ZNF292: variants seen among roughly 807,000 people sequenced by gnomAD.
The protein encoded by ZNF292 is 16 zinc-finger domain protein.
A neutral mutation model predicts 217.9 loss-of-function variants in ZNF292; 26 were observed. The ratio of observed to expected loss-of-function variants is 0.12; its 90% CI spans 0.09 to 0.17. The LOEUF (loss-of-function observed/expected upper bound fraction) is 0.17. Among genes scored for constraint, ZNF292 ranks in the 10% least tolerant of loss-of-function variants. ZNF292 has a pLI of 1.00. For missense variants in ZNF292, 2,904 were observed against 3,175.2 expected, an observed-to-expected ratio of 0.91 and a Z score of 2.05; for synonymous variants, 1,257 against 1,124.1, an observed-to-expected ratio of 1.12 and a Z score of -2.37.
chr6:87,170,749 C>A (rs1308285384), intron 1 of ZNF292, among the ~76,000 whole-genome samples: 3 of 152,022 alleles, frequency 2.0e-5, no homozygotes, highest in Non-Finnish European at 4.4e-5. Context: ...CTTGACAGCC[C>A]ATTAGATACT....
chr6:87,211,792 C>T (rs1772496566), intron 1 of ZNF292, among the ~76,000 whole-genome samples: 1 of 152,150 alleles, frequency 6.6e-6, no homozygotes, highest in South Asian at 2.1e-4. Context: ...TGGTGCATTG[C>T]AGGAAGACAT....
At chr6:87,201,757 G>A (rs906241985) in intron 1 of ZNF292, among the ~76,000 whole-genome samples, 1 of 152,106 alleles carries the variant, frequency 6.6e-6, no homozygotes, top group Non-Finnish European at 1.5e-5. Flanking sequence ...TGTCCATATA[G>A]GATATAGTTT....
chr6:87,209,341 TA>T (rs947344669), intron 1 of ZNF292, among the ~76,000 whole-genome samples: 4 of 152,104 alleles, frequency 2.6e-5, no homozygotes, highest in South Asian at 2.1e-4. Context: ...TATGCCACTT[TA>T]AAAAAAATTA....
chr6:87,241,953 A>C (rs1050835508), intron 5 of ZNF292, among the ~76,000 whole-genome samples: 5 of 152,224 alleles, frequency 3.3e-5, no homozygotes, highest in African/African-American at 9.6e-5. Context: ...TGCACTTTCA[A>C]CTTAACATTA....
intron 4 of ZNF292, chr6:87,223,326 C>G (rs1320177299): frequency 6.5e-6 from 1 of 152,760 alleles, no homozygotes; most frequent in Non-Finnish European, 1.5e-5. Context: ...CTCAAGTGAT[C>G]CACCTGCCTT....
At chr6:87,249,288 G>A in intron 7 of ZNF292, 1 of 303,898 alleles carries the variant, frequency 3.3e-6, no homozygotes, top group East Asian at 1.1e-4. Flanking sequence ...CATCACACTT[G>A]GCTAATTTTT....
intron 1 of ZNF292, among the ~76,000 whole-genome samples, chr6:87,212,436 A>G (rs1772533804): frequency 6.6e-6 from 1 of 152,168 alleles, no homozygotes; most frequent in Non-Finnish European, 1.5e-5. Flanking sequence ...CTCTCTAATC[A>G]TGGCATGGTC....
intron 5 of ZNF292, among the ~76,000 whole-genome samples, chr6:87,241,096 A>C (rs1774260222): frequency 6.6e-6 from 1 of 152,156 alleles, no homozygotes; most frequent in Non-Finnish European, 1.5e-5. Context: ...CATCCTGGTT[A>C]ACACAGTGAA....
chr6:87,250,381 A>G (rs1774864778), intron 7 of ZNF292, among the ~76,000 whole-genome samples: 1 of 152,112 alleles, frequency 6.6e-6, no homozygotes, highest in Non-Finnish European at 1.5e-5. Context: ...GTGAGCCAAG[A>G]TCATGCCACT....
At chr6:87,163,451 A>C (rs939046878) in intron 1 of ZNF292, among the ~76,000 whole-genome samples, 48 of 137,272 alleles carry the variant, frequency 3.5e-4, no homozygotes, top group African/African-American at 1.2e-3. Context: ...ACTTCGCCTC[A>C]AAAAAAAAAA....
At chr6:87,192,525 T>A (rs1418580942) in intron 1 of ZNF292, among the ~76,000 whole-genome samples, 2 of 152,176 alleles carry the variant, frequency 1.3e-5, no homozygotes, top group Non-Finnish European at 2.9e-5. Context: ...TCATGGACAC[T>A]CTTCCACATA....
At chr6:87,209,090 T>G (rs975960643) in intron 1 of ZNF292, among the ~76,000 whole-genome samples, 4 of 119,816 alleles carry the variant, frequency 3.3e-5, no homozygotes, top group African/African-American at 1.5e-4. Context: ...TATCTCATTT[T>G]TAGCCCCACT....
At chr6:87,191,114 A>G (rs1344163827) in intron 1 of ZNF292, among the ~76,000 whole-genome samples, 3 of 152,120 alleles carry the variant, frequency 2.0e-5, no homozygotes, top group East Asian at 1.9e-4. Context: ...TCATGATTCC[A>G]TATCAGTGTA....
intron 6 of ZNF292, among the ~76,000 whole-genome samples, chr6:87,245,028 G>GT (rs1333080585): frequency 6.6e-6 from 1 of 152,052 alleles, no homozygotes; most frequent in Non-Finnish European, 1.5e-5. Context: ...ATCACCTGAG[G>GT]TCAGGAGTTT....
chr6:87,191,102 G>A (rs1245786513), intron 1 of ZNF292, among the ~76,000 whole-genome samples: 1 of 151,594 alleles, frequency 6.6e-6, no homozygotes, highest in Non-Finnish European at 1.5e-5. Context: ...GATAAATCTT[G>A]GTCATGATTC....
intron 1 of ZNF292, among the ~76,000 whole-genome samples, chr6:87,192,480 A>C (rs1484979226): frequency 6.6e-6 from 1 of 152,004 alleles, no homozygotes; most frequent in Non-Finnish European, 1.5e-5. Flanking sequence ...TATACACTGT[A>C]ATTTTTCACA....
Position 87,257,567 on chromosome 6 carries a change from G to A in ZNF292, c.3938G>A (p.Gly1313Asp). 1 of 1,606,498 alleles carries A rather than the reference G, an allele frequency of 6.2e-7. No homozygotes were observed. Among genetic ancestry groups the A allele is most frequent in the Non-Finnish European group, 8.5e-7 (1 of 1,176,084 alleles). The change falls in exon 8 of 8, where the codon GGT (glycine) becomes GAT (aspartate). Residue 1313 changes from glycine to aspartate, a missense_variant. Gly to Asp is a moderately conservative substitution (Grantham distance 94). Transcript: ENST00000369577. ...GNTNSSFLKG[G>D]NGENAVFPSQ... ...ACTAATTCCTCCTTTCTAAAGGGGG[G>A]TAATGGTGAAAATGCAGTTTTTCCT...
rs999827546 is a variant in ZNF292, at chr6:87,210,258, AT to A, written c.169-5636del. Among the ~76,000 whole-genome samples, 28 of 151,924 alleles carry A rather than the reference AT, an allele frequency of 1.8e-4. 1 individual carries two copies. Among genetic ancestry groups the A allele is most frequent in the African/African-American group, 3.6e-4 (15 of 41,368 alleles). Reference sequence around the variant, plus strand: ...TAAAAATTGGCTCTTAAAGAAAAAAATTTTTTTTTAAATTGTTTGTTACATG... The same window carrying A: ...TAAAAATTGGCTCTTAAAGAAAAAAATTTTTTTTAAATTGTTTGTTACATG... On this transcript the variant is annotated intron_variant, in intron 1 of 7. Coordinates refer to ENST00000369577, the MANE Select transcript of ZNF292 (RefSeq NM_015021.3).
At chr6:87,170,600 C>T (rs942257174) in intron 1 of ZNF292, among the ~76,000 whole-genome samples, 2 of 152,094 alleles carry the variant, frequency 1.3e-5, no homozygotes, top group African/African-American at 4.8e-5. Flanking sequence ...CACCAAAAGA[C>T]CTTTGAGGAT....
Sources: allele counts gnomAD v4.1 joint callset (sites outside exome capture counted in the v4.1 genomes callset), GRCh38; gene constraint gnomAD v4.1.1; transcripts MANE v1.5; gene names NCBI Gene and HGNC (gene_info 2026-07-23, HGNC 2026-07-21).